COL25A1: variants seen among roughly 807,000 people sequenced by gnomAD.
COL25A1 encodes the protein collagen type XXV alpha 1 chain.
In COL25A1, 103 loss-of-function variants were observed where a neutral mutation model predicts 128.4. That is an observed-to-expected ratio of 0.80 (90% confidence interval 0.68 to 0.94). The LOEUF is 0.94. Ranked by LOEUF, COL25A1 falls within the 40% of genes least tolerant of loss-of-function variation. COL25A1 has a pLI of 0.00. For synonymous variants in COL25A1, 279 were observed against 277.2 expected (o/e 1.01, Z -0.06); for missense variants, 745 against 840.0 (o/e 0.89, Z 1.40).
chr4:109,276,749 C>A (rs1722891777), intron 3 of COL25A1, among the ~76,000 whole-genome samples: 1 of 152,054 alleles, frequency 6.6e-6, no homozygotes, highest in African/African-American at 2.4e-5. Context: ...GATGGCGAGC[C>A]CACCACATGA....
intron 3 of COL25A1, among the ~76,000 whole-genome samples, chr4:109,066,893 T>G (rs1762499403): frequency 6.6e-6 from 1 of 152,158 alleles, no homozygotes; most frequent in South Asian, 2.1e-4. Context: ...TAGTCTCTAG[T>G]GATCCTGCCT....
At chr4:108,963,009 T>G (rs1289631215) in intron 8 of COL25A1, among the ~76,000 whole-genome samples, 6 of 152,190 alleles carry the variant, frequency 3.9e-5, no homozygotes, top group African/African-American at 1.4e-4. Flanking sequence ...CTGGACACAT[T>G]AGTGCAGGTA....
chr4:108,928,262 T>G (rs756739996), intron 11 of COL25A1, among the ~76,000 whole-genome samples: 1 of 152,236 alleles, frequency 6.6e-6, no homozygotes, highest in Non-Finnish European at 1.5e-5. Context: ...GCTGCTAGAA[T>G]TTAAATAACT....
intron 3 of COL25A1, among the ~76,000 whole-genome samples, chr4:109,224,174 T>C (rs1285222975): frequency 6.6e-6 from 1 of 152,112 alleles, no homozygotes; most frequent in African/African-American, 2.4e-5. Flanking sequence ...ATAAACATAA[T>C]AAATAATATC....
At chr4:109,195,338 T>G (rs1266640563) in intron 3 of COL25A1, among the ~76,000 whole-genome samples, 2 of 152,186 alleles carry the variant, frequency 1.3e-5, no homozygotes, top group Non-Finnish European at 2.9e-5. Context: ...ATGATTTTTA[T>G]TTCATTGAAA....
chr4:109,129,758 T>C (rs138910462), intron 3 of COL25A1, among the ~76,000 whole-genome samples: 189 of 152,336 alleles, frequency 1.2e-3, no homozygotes, highest in Non-Finnish European at 2.2e-3. Context: ...TCATTCCTGC[T>C]GGACTGTCAT....
intron 3 of COL25A1, among the ~76,000 whole-genome samples, chr4:109,291,938 T>C (rs895304223): frequency 6.6e-6 from 1 of 152,154 alleles, no homozygotes; most frequent in Non-Finnish European, 1.5e-5. Flanking sequence ...GATGATATTA[T>C]ATGAATAGTC....
chr4:109,015,579 T>C (rs529197309), intron 5 of COL25A1, among the ~76,000 whole-genome samples: 19 of 152,284 alleles, frequency 1.2e-4, no homozygotes, highest in Admixed American at 9.8e-4. Context: ...TACTGAGTGC[T>C]CTGGGTCACT....
At chr4:108,960,300 A>G (rs1750537845) in intron 8 of COL25A1, among the ~76,000 whole-genome samples, 1 of 152,152 alleles carries the variant, frequency 6.6e-6, no homozygotes, top group Admixed American at 6.5e-5. Flanking sequence ...CAAATATATT[A>G]CACATTTTTT....
chr4:108,953,270 T>C (rs1409043269), intron 8 of COL25A1, among the ~76,000 whole-genome samples: 1 of 152,142 alleles, frequency 6.6e-6, no homozygotes, highest in African/African-American at 2.4e-5. Flanking sequence ...CTGTACTAGT[T>C]CATCTGGTCC....
At chr4:108,973,623 C>A (rs894862480) in intron 8 of COL25A1, among the ~76,000 whole-genome samples, 1 of 152,164 alleles carries the variant, frequency 6.6e-6, no homozygotes, top group African/African-American at 2.4e-5. Flanking sequence ...CAAATACTTG[C>A]TTTTGTGCAT....
chr4:108,816,835 A>G (rs919165731), intron 37 of COL25A1, among the ~76,000 whole-genome samples: 43 of 152,266 alleles, frequency 2.8e-4, no homozygotes, highest in African/African-American at 1.0e-3. Flanking sequence ...TAAAGAATAA[A>G]CTTCTTTCAT....
chr4:109,073,304 T>C (rs1357663546), intron 3 of COL25A1, among the ~76,000 whole-genome samples: 1 of 152,186 alleles, frequency 6.6e-6, no homozygotes, highest in African/African-American at 2.4e-5. Context: ...AATCTTCCTT[T>C]AAAATCACTC....
chr4:109,045,466 A>C (rs374346878), intron 5 of COL25A1, among the ~76,000 whole-genome samples: 4 of 152,318 alleles, frequency 2.6e-5, no homozygotes, highest in African/African-American at 9.6e-5. Context: ...TAATAATCCC[A>C]TTGTTCATTA....
intron 3 of COL25A1, among the ~76,000 whole-genome samples, chr4:109,191,791 T>A (rs1336627885): frequency 6.6e-6 from 1 of 152,208 alleles, no homozygotes; most frequent in African/African-American, 2.4e-5. Flanking sequence ...AAGTACCTCA[T>A]AAATGTGAGT....
At chr4:109,177,385 T>G (rs529805856) in intron 3 of COL25A1, among the ~76,000 whole-genome samples, 1 of 152,136 alleles carries the variant, frequency 6.6e-6, no homozygotes, top group Non-Finnish European at 1.5e-5. Context: ...TTGGGGAATG[T>G]TGGTAAAAAG....
intron 3 of COL25A1, among the ~76,000 whole-genome samples, chr4:109,137,299 G>T (rs1769881989): frequency 6.6e-6 from 1 of 152,098 alleles, no homozygotes; most frequent in Non-Finnish European, 1.5e-5. Context: ...TAAAAATCTG[G>T]AACTATCCAT....
At chr4:109,177,355 C>A (rs1774197263) in intron 3 of COL25A1, among the ~76,000 whole-genome samples, 1 of 152,120 alleles carries the variant, frequency 6.6e-6, no homozygotes, top group Non-Finnish European at 1.5e-5. Flanking sequence ...GCATAAAGAA[C>A]CACCCACTCA....
chr4:108,923,537 G>T (rs1182868237), intron 11 of COL25A1, among the ~76,000 whole-genome samples: 1 of 152,088 alleles, frequency 6.6e-6, no homozygotes, highest in African/African-American at 2.4e-5. Flanking sequence ...GTAGAGACAA[G>T]GTTTTGCTAT....
Sources: gnomAD v4.1 joint callset for allele counts (sites outside exome capture counted in the v4.1 genomes callset) on GRCh38, gnomAD v4.1.1 for gene constraint, MANE v1.5 for transcripts, NCBI Gene and HGNC (gene_info 2026-07-23, HGNC 2026-07-21) for gene names.